EHD1: variants seen among roughly 807,000 people sequenced by gnomAD.
The protein encoded by EHD1 is EH domain containing 1, also known as EH domain-containing protein 1.
EHD1 carries 19 observed loss-of-function variants against 39.0 expected under a neutral mutation model. The ratio of observed to expected loss-of-function variants is 0.49; its 90% CI spans 0.34 to 0.72. EHD1 has a LOEUF of 0.72. Among genes scored for constraint, EHD1 ranks in the 30% least tolerant of loss-of-function variants. The pLI is 0.01. For synonymous variants in EHD1, 323 were observed against 331.2 expected, an observed-to-expected ratio of 0.98 and a Z score of 0.27; for missense variants, 542 against 751.5, an observed-to-expected ratio of 0.72 and a Z score of 3.26.
chr11:64,875,697 C>G (rs1943877940), intron 1 of EHD1: 1 of 152,336 alleles, frequency 6.6e-6, no homozygotes, highest in Non-Finnish European at 1.5e-5. Flanking sequence ...TTGGCCCCAT[C>G]CCCCAGTGAC....
chr11:64,854,294 G>A lies in EHD1; in HGVS notation c.*39C>T, dbSNP rs573676955. ...TCCCCTCCCCCCGTCTCTGCCTCCC[G>A]GCCGGGCGTGCAAATGGCAGGTGCG... On this transcript the variant is annotated 3_prime_UTR_variant, in exon 5 of 5. Coordinates refer to ENST00000320631, the MANE Select transcript of EHD1 (RefSeq NM_006795.4). 78 of 1,554,846 alleles carry A rather than the reference G, an allele frequency of 5.0e-5. No homozygotes were observed. In the South Asian group the frequency reaches 5.1e-4, roughly 10 times the overall value.
At chr11:64,863,211 C>A (rs1943733358) in intron 2 of EHD1, among the ~76,000 whole-genome samples, 1 of 152,188 alleles carries the variant, frequency 6.6e-6, no homozygotes, top group African/African-American at 2.4e-5. Flanking sequence ...GAGAGTCGCA[C>A]AGCTTGGGCC....
At chr11:64,873,566 C>T (rs1943852308) in intron 2 of EHD1, among the ~76,000 whole-genome samples, 1 of 152,174 alleles carries the variant, frequency 6.6e-6, no homozygotes, top group South Asian at 2.1e-4. Flanking sequence ...CTCACCATGG[C>T]TGCTCCCATT....
At chr11:64,879,240 G>T (rs1254650052), upstream of EHD1, 15 of 1,102,668 alleles carry the variant, frequency 1.4e-5, no homozygotes, top group Middle Eastern at 4.0e-4. Context: ...GGTGACTGGG[G>T]AAAGAAAAAT....
intron 2 of EHD1, among the ~76,000 whole-genome samples, chr11:64,867,682 A>C (rs576458465): frequency 2.1e-4 from 32 of 152,324 alleles, no homozygotes; most frequent in African/African-American, 6.5e-4. Flanking sequence ...TGATCGTGCC[A>C]CTGTACTCCA....
intron 2 of EHD1, among the ~76,000 whole-genome samples, chr11:64,862,973 T>C (rs951331467): frequency 3.3e-5 from 5 of 152,182 alleles, no homozygotes; most frequent in Non-Finnish European, 7.4e-5. Flanking sequence ...AGGCGGGCCA[T>C]GTGGAAACAA....
At position 64,865,832 on chromosome 11, in the gene EHD1, G is replaced by C. The variant is rs1449848633; in HGVS notation, c.503-5496C>G. Among the ~76,000 whole-genome samples, 3 of 152,272 alleles carry C rather than the reference G, an allele frequency of 2.0e-5. No individual in the cohort carries two copies. The East Asian group carries it at 5.8e-4, about 29-fold the overall frequency. Reference sequence around the variant, plus strand: ...ACAACATCTCATAACAGTCAGAATGGCTATTATTAAAAAGTCTAAAAATAA... The same window carrying C: ...ACAACATCTCATAACAGTCAGAATGCCTATTATTAAAAAGTCTAAAAATAA... On this transcript the variant is annotated intron_variant, in intron 2 of 4. Coordinates refer to ENST00000320631, the MANE Select transcript of EHD1 (RefSeq NM_006795.4).
chr11:64,861,863 C>T (rs1243116119), intron 2 of EHD1, among the ~76,000 whole-genome samples: 1 of 152,206 alleles, frequency 6.6e-6, no homozygotes, highest in Non-Finnish European at 1.5e-5. Flanking sequence ...AGTGGTTGGA[C>T]TGGACAGACT....
intron 2 of EHD1, among the ~76,000 whole-genome samples, chr11:64,863,778 C>T (rs1223363556): frequency 6.6e-6 from 1 of 152,128 alleles, no homozygotes; most frequent in Non-Finnish European, 1.5e-5. Context: ...ACTCCCGCCC[C>T]CTGCCACTGA....
intron 1 of EHD1, among the ~76,000 whole-genome samples, chr11:64,876,324 G>A (rs986034690): frequency 3.3e-5 from 5 of 152,180 alleles, no homozygotes; most frequent in South Asian, 2.1e-4. Context: ...CACCCTCCTC[G>A]CCGGGCTCAC....
intron 2 of EHD1, among the ~76,000 whole-genome samples, chr11:64,864,576 C>T (rs1943748429): frequency 6.6e-6 from 1 of 152,234 alleles, no homozygotes; most frequent in Non-Finnish European, 1.5e-5. Flanking sequence ...CCGCAGCCCA[C>T]AGCCTTTTAT....
rs372526508 is a variant in EHD1, at chr11:64,854,666, G to A, written c.1272C>T (p.His424=). ...CCTCGCCGGCCCCCTCGCCGTAGCC[G>A]TGCCCGAACGGCCCGTTCATGGTGC... is the stretch of plus-strand genomic sequence containing the variant. ...FDGTMNGPFG[H]GYGEGAGEGI... Residue 424 remains histidine (H), a synonymous_variant, in exon 5 of 5, where the codon CAC becomes CAT. Transcript: ENST00000320631. 2.5e-5 allele frequency: 40 copies of A among 1,613,662 alleles called. 1 individual carries two copies. Among genetic ancestry groups the A allele is most frequent in the Admixed American group, 1.7e-4 (10 of 59,998 alleles).
At chr11:64,865,550 CG>C (rs1159539688) in intron 2 of EHD1, among the ~76,000 whole-genome samples, 1 of 152,178 alleles carries the variant, frequency 6.6e-6, no homozygotes, top group African/African-American at 2.4e-5. Flanking sequence ...ATGGCCCAAG[CG>C]GGTGGGCTGG....
intron 2 of EHD1, among the ~76,000 whole-genome samples, chr11:64,867,975 G>A (rs968438238): frequency 6.6e-6 from 1 of 152,142 alleles, no homozygotes; most frequent in Non-Finnish European, 1.5e-5. Flanking sequence ...CTCTCCAGGC[G>A]CTGGCCTTAC....
intron 2 of EHD1, among the ~76,000 whole-genome samples, chr11:64,869,028 A>C (rs1310906144): frequency 6.6e-6 from 1 of 152,206 alleles, no homozygotes; most frequent in East Asian, 1.9e-4. Context: ...GAGCAGGAGT[A>C]AATGTTTGCT....
chr11:64,867,773 G>A (rs1283915953), intron 2 of EHD1, among the ~76,000 whole-genome samples: 1 of 152,216 alleles, frequency 6.6e-6, no homozygotes, highest in African/African-American at 2.4e-5. Context: ...TTATATGTTA[G>A]GTGTATTTTA....
At position 64,878,183 on chromosome 11, in the gene EHD1, G is replaced by T; in HGVS notation, c.282C>A (p.Thr94=). 6.2e-7 allele frequency: 1 copy of T among 1,605,490 alleles called. No individual in the cohort carries two copies. The highest frequency in any genetic ancestry group is 8.5e-7 in the Non-Finnish European group (1 of 1,173,472). The stretch of plus-strand genomic sequence containing the variant: ...CGTGCATGACGGCGATGAAGGAGTC[G>T]GTGGTGGGCTCGGGCCCGATGCGCA... ...PGMRIGPEPT[T]DSFIAVMHGP... The change falls in exon 1 of 5, where the codon ACC becomes ACA. Residue 94 remains threonine, a synonymous_variant. Transcript: ENST00000320631.
At position 64,878,522 on chromosome 11, in the gene EHD1, G is replaced by C. The variant is rs999422950; in HGVS notation, c.-58C>G. The C allele has an allele frequency of 3.9e-6, 6 of 1,529,332 alleles. No individual in the cohort carries two copies. The highest frequency in any genetic ancestry group is 5.3e-6 in the Non-Finnish European group (6 of 1,142,088). 94.7% of individuals were successfully genotyped at this position (1,529,332 alleles called of 1,614,324 possible). On this transcript the variant is annotated 5_prime_UTR_variant, in exon 1 of 5. Transcript: ENST00000320631. ...AGAGCGGCGGCTGAGAGCGGGGCGA[G>C]GGTGCGGAGCCGAGGCGGGGCCGGC...
At chr11:64,871,871 G>A (rs897649394) in intron 2 of EHD1, among the ~76,000 whole-genome samples, 1 of 152,188 alleles carries the variant, frequency 6.6e-6, no homozygotes, top group Non-Finnish European at 1.5e-5. Flanking sequence ...GTCTGCACAG[G>A]CAACTCCAGG....
Sources: gnomAD v4.1 joint callset for allele counts (sites outside exome capture counted in the v4.1 genomes callset) on GRCh38, gnomAD v4.1.1 for gene constraint, MANE v1.5 for transcripts, NCBI Gene and HGNC (gene_info 2026-07-23, HGNC 2026-07-21) for gene names.